CFAP299: variants seen among roughly 807,000 people sequenced by gnomAD.
CFAP299 encodes cilia and flagella associated protein 299, also known as cilia- and flagella-associated protein 299.
CFAP299 carries 21 observed loss-of-function variants against 27.0 expected under a neutral mutation model. The observed-to-expected ratio is 0.78, with a 90% CI of 0.55 to 1.12. The LOEUF is 1.12. CFAP299 is among the 50% of genes most tolerant of loss of function. The pLI is 0.00. For synonymous variants in CFAP299, 104 were observed against 98.1 expected, an observed-to-expected ratio of 1.06 and a Z score of -0.36; for missense variants, 310 against 276.6, an observed-to-expected ratio of 1.12 and a Z score of -0.86.
chr4:80,761,913 C>T (rs775166079), intron 3 of CFAP299, among the ~76,000 whole-genome samples: 1 of 151,722 alleles, frequency 6.6e-6, no homozygotes, highest in Admixed American at 6.6e-5. Flanking sequence ...TCTACAAACA[C>T]CAAATCAATA....
At chr4:80,695,791 GC>G (rs1177515918) in intron 3 of CFAP299, among the ~76,000 whole-genome samples, 2 of 150,352 alleles carry the variant, frequency 1.3e-5, no homozygotes, top group East Asian at 4.0e-4. Context: ...TCCCACCTCA[GC>G]CTACTGGCAC....
At chr4:80,729,870 T>C (rs1201506932) in intron 3 of CFAP299, among the ~76,000 whole-genome samples, 1 of 152,110 alleles carries the variant, frequency 6.6e-6, no homozygotes, top group Non-Finnish European at 1.5e-5. Flanking sequence ...CCCAAAGTGC[T>C]GGGATTACAG....
chr4:80,490,405 C>A (rs868394503), intron 2 of CFAP299, among the ~76,000 whole-genome samples: 16 of 152,172 alleles, frequency 1.1e-4, no homozygotes, highest in African/African-American at 3.1e-4. Context: ...TATTGATCCT[C>A]TTGACTTCCA....
chr4:80,460,630 A>C (rs1220554976), intron 2 of CFAP299, among the ~76,000 whole-genome samples: 3 of 152,154 alleles, frequency 2.0e-5, no homozygotes, highest in African/African-American at 7.2e-5. Context: ...CGTAAGAAAT[A>C]ATATTCTGTT....
chr4:80,414,093 C>T (rs1337117792), intron 2 of CFAP299, among the ~76,000 whole-genome samples: 4 of 116,800 alleles, frequency 3.4e-5, no homozygotes, highest in African/African-American at 1.4e-4. Flanking sequence ...TTTTTTGAGA[C>T]GGAGTCTCGC....
chr4:80,485,995 G>A (rs1165085939), intron 2 of CFAP299, among the ~76,000 whole-genome samples: 1 of 152,000 alleles, frequency 6.6e-6, no homozygotes, highest in African/African-American at 2.4e-5. Context: ...TGGTTTGGCT[G>A]CGTTGCTCAG....
At chr4:80,565,193 G>A (rs998070941) in intron 2 of CFAP299, among the ~76,000 whole-genome samples, 1 of 151,934 alleles carries the variant, frequency 6.6e-6, no homozygotes, top group African/African-American at 2.4e-5. Flanking sequence ...AAAGCAATAT[G>A]CTCAAGCAGT....
At chr4:80,749,583 T>C (rs920197560) in intron 3 of CFAP299, among the ~76,000 whole-genome samples, 13 of 152,296 alleles carry the variant, frequency 8.5e-5, no homozygotes, top group African/African-American at 2.6e-4. Flanking sequence ...AAGCTGACAG[T>C]GCAGCCTTCA....
intron 3 of CFAP299, among the ~76,000 whole-genome samples, chr4:80,651,875 C>T (rs1425389551): frequency 2.6e-5 from 4 of 151,816 alleles, no homozygotes; most frequent in South Asian, 2.1e-4. Context: ...GAAGAGTTCA[C>T]GTGTTTATGA....
At chr4:80,925,641 G>T (rs536836571) in intron 4 of CFAP299, among the ~76,000 whole-genome samples, 1 of 152,024 alleles carries the variant, frequency 6.6e-6, no homozygotes, top group South Asian at 2.1e-4. Context: ...GTGTATAAGT[G>T]TCTAAAAATG....
chr4:80,476,633 G>T (rs1730285314), intron 2 of CFAP299, among the ~76,000 whole-genome samples: 2 of 151,942 alleles, frequency 1.3e-5, no homozygotes, highest in Non-Finnish European at 2.9e-5. Flanking sequence ...CAACTCTGGG[G>T]GTCTAAATGG....
chr4:80,710,972 A>G (rs1045726408), intron 3 of CFAP299, among the ~76,000 whole-genome samples: 2 of 152,194 alleles, frequency 1.3e-5, no homozygotes, highest in Non-Finnish European at 2.9e-5. Context: ...CAGCGAGTTT[A>G]GAGCACAGGC....
chr4:80,326,716 G>C, the CFAP299 span, among the ~76,000 whole-genome samples: 2 of 152,172 alleles, frequency 1.3e-5, no homozygotes, highest in African/African-American at 2.4e-5. Context: ...AGAAATAAAT[G>C]TAGATACAGT....
At chr4:80,665,237 C>T (rs1042769340) in intron 3 of CFAP299, among the ~76,000 whole-genome samples, 1 of 152,202 alleles carries the variant, frequency 6.6e-6, no homozygotes, top group East Asian at 1.9e-4. Flanking sequence ...AAATTCCTAG[C>T]AACCTTTGGC....
At chr4:80,897,961 G>A (rs758793768) in intron 4 of CFAP299, among the ~76,000 whole-genome samples, 33 of 152,066 alleles carry the variant, frequency 2.2e-4, no homozygotes, top group Admixed American at 3.9e-4. Context: ...CAGGTGAGTC[G>A]GTGCAGGAGC....
chr4:80,610,642 A>G (rs932916577), intron 3 of CFAP299, among the ~76,000 whole-genome samples: 39 of 152,122 alleles, frequency 2.6e-4, no homozygotes, highest in Non-Finnish European at 4.7e-4. Flanking sequence ...TTTTAAAAAA[A>G]GTTTTCATCA....
At chr4:80,533,481 C>T (rs958968554) in intron 2 of CFAP299, among the ~76,000 whole-genome samples, 1 of 151,992 alleles carries the variant, frequency 6.6e-6, no homozygotes, top group Admixed American at 6.6e-5. Flanking sequence ...ATCCCTTTTT[C>T]TTTTCAGGGT....
At chr4:80,488,801 T>A (rs1377561991) in intron 2 of CFAP299, among the ~76,000 whole-genome samples, 1 of 152,216 alleles carries the variant, frequency 6.6e-6, no homozygotes, top group Non-Finnish European at 1.5e-5. Flanking sequence ...CTGAGTATGT[T>A]ATATTTTATG....
intron 3 of CFAP299, among the ~76,000 whole-genome samples, chr4:80,832,456 C>T (rs1484369579): frequency 1.3e-5 from 2 of 152,006 alleles, no homozygotes; most frequent in African/African-American, 4.8e-5. Context: ...ATGTATTAGC[C>T]ATAGACAATA....
Sources: allele counts gnomAD v4.1 joint callset (sites outside exome capture counted in the v4.1 genomes callset), GRCh38; gene constraint gnomAD v4.1.1; transcripts MANE v1.5; gene names NCBI Gene and HGNC (gene_info 2026-07-23, HGNC 2026-07-21).